SOX6: variants seen among roughly 807,000 people sequenced by gnomAD.
The protein encoded by SOX6 is SRY-box transcription factor 6, also known as transcription factor SOX-6.
A neutral mutation model predicts 97.8 loss-of-function variants in SOX6; 11 were observed. The observed-to-expected ratio is 0.11, with a 90% CI of 0.07 to 0.19. The LOEUF (loss-of-function observed/expected upper bound fraction) is 0.19. SOX6 is among the 10% of genes least tolerant of loss of function. SOX6 has a pLI of 1.00. For missense variants in SOX6, 810 were observed against 1,039.5 expected, an observed-to-expected ratio of 0.78 and a Z score of 3.04; for synonymous variants, 360 against 371.4, an observed-to-expected ratio of 0.97 and a Z score of 0.35.
Position 16,402,510 on chromosome 11 carries a change from G to A in SOX6, c.-4-61258C>T. 3 of 772,240 alleles carry A rather than the reference G, an allele frequency of 3.9e-6. No homozygotes were observed. In the East Asian group the frequency reaches 7.9e-5, roughly 20 times the overall value. The allele number at this position is 772,240 out of a possible 1,614,324, so 47.8% of individuals were successfully genotyped here. A position where few individuals can be genotyped will look rare whatever the true frequency, so the allele number is the denominator to read the frequency against. ...ATCACATTTCCTAACACATTAGAGA[G>A]CTTCCCAGAGATTTGATGGCCCACA... On this transcript the variant is annotated intron_variant, in intron 1 of 15. Coordinates refer to the SOX6 transcript ENST00000396356.
At chr11:16,318,415 A>T in intron 3 of SOX6, 31 bp downstream of exon 3, 1 of 1,610,134 alleles carries the variant, frequency 6.2e-7, no homozygotes, top group South Asian at 1.1e-5. Flanking sequence ...GAAGAAAAAA[A>T]ACAGAGCCCA....
intron 4 of SOX6, among the ~76,000 whole-genome samples, chr11:16,506,966 G>C (rs146124070): frequency 0.013 from 1,883 of 147,894 alleles, 40 homozygotes; most frequent in African/African-American, 0.045. Flanking sequence ...CAGGAGGCTG[G>C]GGCATGAGAA....
rs530301335 is a variant in SOX6 at position 16,614,862 on chromosome 11, G to A, written n.430-2602C>T. On this transcript the variant is annotated intron_variant and non_coding_transcript_variant, in intron 3 of 5. Coordinates refer to the SOX6 transcript ENST00000524520. ...TATTTCAAGAAAATGGGACACTAGG[G>A]AACTATTTTGTTTTATATGAGCATA... 7.9e-5 allele frequency among the ~76,000 whole-genome samples: 12 copies of A among 152,210 alleles called. No individual in the cohort carries two copies. In the South Asian group the frequency reaches 2.5e-3, roughly 32 times the overall value.
chr11:16,364,411 C>A (rs1463150118), intron 1 of SOX6, among the ~76,000 whole-genome samples: 3 of 152,088 alleles, frequency 2.0e-5, no homozygotes. Flanking sequence ...TCCTGAGCTG[C>A]ACTTACAAAC....
chr11:16,212,303 T>C (rs763909489), intron 4 of SOX6, among the ~76,000 whole-genome samples: 1 of 152,170 alleles, frequency 6.6e-6, no homozygotes, highest in Non-Finnish European at 1.5e-5. Flanking sequence ...TAACATTTAA[T>C]CCACTAAATT....
intron 6 of SOX6, among the ~76,000 whole-genome samples, chr11:16,144,650 A>G (rs1471322574): frequency 1.3e-5 from 2 of 152,244 alleles, no homozygotes; most frequent in Non-Finnish European, 2.9e-5. Context: ...AGACGCAATA[A>G]AAAATGATAA....
chr11:16,391,388 C>T (rs1325084861), intron 1 of SOX6, among the ~76,000 whole-genome samples: 1 of 152,114 alleles, frequency 6.6e-6, no homozygotes, highest in Admixed American at 6.5e-5. Flanking sequence ...GTTCCCATCC[C>T]TGATTTACCC....
At chr11:16,357,679 C>T (rs530673840), upstream of SOX6, among the ~76,000 whole-genome samples, 5 of 152,232 alleles carry the variant, frequency 3.3e-5, no homozygotes, top group South Asian at 4.1e-4. Flanking sequence ...TGACAGCCTT[C>T]GCTGTGTGTT....
upstream of SOX6, among the ~76,000 whole-genome samples, chr11:16,358,547 A>C (rs1857127904): frequency 6.6e-6 from 1 of 152,082 alleles, no homozygotes; most frequent in Admixed American, 6.6e-5. Context: ...CAGAGCATCA[A>C]CTTATGCCCC....
chr11:16,452,497 G>A (rs1859737226), intron 1 of SOX6, among the ~76,000 whole-genome samples: 1 of 152,150 alleles, frequency 6.6e-6, no homozygotes, highest in South Asian at 2.1e-4. Flanking sequence ...ATTCTTATCA[G>A]GAAAGTTAAG....
intron 3 of SOX6, among the ~76,000 whole-genome samples, chr11:16,682,842 T>C (rs1847938896): frequency 6.6e-6 from 1 of 152,174 alleles, no homozygotes; most frequent in Non-Finnish European, 1.5e-5. Flanking sequence ...GAAAACCCCA[T>C]CATCTCCGCC....
Position 16,049,854 on chromosome 11 carries a change from T to C in SOX6, c.1336A>G (p.Asn446Asp). 2 of 1,613,834 alleles carry C rather than the reference T, an allele frequency of 1.2e-6. No homozygotes were observed. Among genetic ancestry groups the C allele is most frequent in the Non-Finnish European group, 8.5e-7 (1 of 1,179,810 alleles). The change falls in exon 11 of 16, where the codon AAC becomes GAC. Residue 446 changes from asparagine (N) to aspartate (D), a missense_variant. Coordinates refer to ENST00000683767, the MANE Select transcript of SOX6 (RefSeq NM_001367873.1). The part of the protein sequence containing the change: ...PVKSPTSPTQ[N>D]LFPASKTSPV... The stretch of plus-strand genomic sequence containing the variant: ...CTGGTTTTGCTGGCTGGGAAGAGGT[T>C]CTGGGTGGGAGACGTTGGGGACTTT...
intron 14 of SOX6, among the ~76,000 whole-genome samples, chr11:15,987,396 C>T (rs1048550277): frequency 1.3e-5 from 2 of 152,160 alleles, no homozygotes; most frequent in Non-Finnish European, 2.9e-5. Context: ...AGCAGATAGG[C>T]TTCTCTGTGT....
intron 4 of SOX6, among the ~76,000 whole-genome samples, chr11:16,603,122 T>C (rs1470601105): frequency 2.0e-5 from 3 of 151,774 alleles, no homozygotes; most frequent in Non-Finnish European, 4.4e-5. Context: ...TAAAAAAGAG[T>C]CTTCTAGTAG....
chr11:16,368,530 T>C (rs1857418394), intron 1 of SOX6, among the ~76,000 whole-genome samples: 1 of 152,146 alleles, frequency 6.6e-6, no homozygotes, highest in Non-Finnish European at 1.5e-5. Flanking sequence ...TTTCAACAAA[T>C]GGTGCTTGGA....
At chr11:16,125,580 C>T (rs1849588717) in intron 6 of SOX6, among the ~76,000 whole-genome samples, 1 of 151,994 alleles carries the variant, frequency 6.6e-6, no homozygotes, top group South Asian at 2.1e-4. Context: ...TAATTCACTT[C>T]TCATGATACT....
At chr11:16,090,712 G>C (rs765789888) in intron 9 of SOX6, among the ~76,000 whole-genome samples, 1 of 151,918 alleles carries the variant, frequency 6.6e-6, no homozygotes, top group Non-Finnish European at 1.5e-5. Flanking sequence ...CGTCCATTTT[G>C]CCAAATACTG....
At chr11:16,402,954 G>T (rs546329464) in intron 1 of SOX6, 10 of 929,894 alleles carry the variant, frequency 1.1e-5, no homozygotes, top group South Asian at 2.9e-5. Context: ...ACACCAAGGT[G>T]GGGGAGAAAC....
rs528765368 is a variant in SOX6 at position 16,545,063 on chromosome 11, T to G, written n.609+67018A>C. ...GAGAGCAAGACCCCATATCATTTTT[T>G]AAAAACTCATAGAGAGGAAGAAAAT... is the stretch of plus-strand genomic sequence containing the variant. On this transcript the variant is annotated intron_variant and non_coding_transcript_variant, in intron 4 of 5. Transcript: ENST00000524520. Among the ~76,000 whole-genome samples, 644 of 152,010 alleles carry G rather than the reference T, an allele frequency of 4.2e-3. 3 individuals are homozygous for G. The highest frequency in any genetic ancestry group is 7.6e-3 in the Non-Finnish European group (515 of 68,004).
Sources: allele counts gnomAD v4.1 joint callset (sites outside exome capture counted in the v4.1 genomes callset), GRCh38; gene constraint gnomAD v4.1.1; transcripts MANE v1.5; gene names NCBI Gene and HGNC (gene_info 2026-07-23, HGNC 2026-07-21).